PANK3: variants seen among roughly 807,000 people sequenced by gnomAD.
The protein encoded by PANK3 is pantothenate kinase 3, also known as hPanK3.
Under a neutral mutation model 39.4 loss-of-function variants are expected in PANK3, and 20 were observed. That is an observed-to-expected ratio of 0.51 (90% CI 0.36 to 0.74). The LOEUF (loss-of-function observed/expected upper bound fraction) is 0.74, where lower values mean the gene tolerates loss of function less well. Ranked by LOEUF, PANK3 falls within the 30% of genes least tolerant of loss-of-function variation. PANK3 has a pLI of 0.00. For missense variants in PANK3, 265 were observed against 437.0 expected (o/e 0.61, Z 3.51); for synonymous variants, 140 against 157.3 (o/e 0.89, Z 0.82).
At chr5:168,570,939 G>A (rs1482969083) in intron 1 of PANK3, among the ~76,000 whole-genome samples, 2 of 152,098 alleles carry the variant, frequency 1.3e-5, no homozygotes, top group Non-Finnish European at 2.9e-5. Flanking sequence ...GAAAAAAATG[G>A]TATAGACCAT....
At chr5:168,572,072 T>C (rs1314054995) in intron 1 of PANK3, among the ~76,000 whole-genome samples, 1 of 151,444 alleles carries the variant, frequency 6.6e-6, no homozygotes, top group African/African-American at 2.4e-5. Flanking sequence ...AAAGTGACTA[T>C]ATTTTCTCAG....
chr5:168,560,040 T>C (rs1342871352), intron 5 of PANK3, among the ~76,000 whole-genome samples: 2 of 152,220 alleles, frequency 1.3e-5, no homozygotes, highest in East Asian at 1.9e-4. Context: ...TACTGACTTT[T>C]GAGTAGAAAT....
chr5:168,566,555 T>C (rs1044322955), intron 2 of PANK3, among the ~76,000 whole-genome samples: 2 of 152,162 alleles, frequency 1.3e-5, no homozygotes, highest in Admixed American at 6.5e-5. Flanking sequence ...GTGTGACATT[T>C]CTGCAGACCA....
intron 1 of PANK3, among the ~76,000 whole-genome samples, chr5:168,576,087 T>C (rs1208068931): frequency 6.6e-6 from 1 of 152,132 alleles, no homozygotes; most frequent in African/African-American, 2.4e-5. Context: ...TTAGGACAGC[T>C]TCAGGTAAGT....
chr5:168,564,163 G>GA (rs903347480), intron 3 of PANK3, 98 bp from the exon 4 acceptor site: 132 of 1,080,078 alleles, frequency 1.2e-4, no homozygotes, highest in African/African-American at 8.6e-4. Flanking sequence ...TGAACACACA[G>GA]AAAAAAAACC....
rs1582471179 is a variant in PANK3, at chr5:168,579,329, G to A, written c.-46C>T. On this transcript the variant is annotated 5_prime_UTR_variant, in exon 1 of 7. Coordinates refer to ENST00000239231, the MANE Select transcript of PANK3 (RefSeq NM_024594.4). ...TGGACGGCCTCCGATCCGGGGCACT[G>A]AGAGCAGAGGCGGCGACTCCGGAGG... The A allele has an allele frequency of 7.1e-7, 1 of 1,418,130 alleles. No homozygotes were observed. The highest frequency in any genetic ancestry group is 9.3e-7 in the Non-Finnish European group (1 of 1,078,222). 87.8% of individuals were successfully genotyped at this position (1,418,130 alleles called of 1,614,324 possible). A position where few individuals can be genotyped will look rare whatever the true frequency, so the allele number is the denominator to read the frequency against.
intron 1 of PANK3, among the ~76,000 whole-genome samples, chr5:168,570,415 A>G (rs943103914): frequency 6.6e-6 from 1 of 151,800 alleles, no homozygotes; most frequent in Non-Finnish European, 1.5e-5. Flanking sequence ...AAAGAAAGAA[A>G]GAAAGAAAAT....
intron 1 of PANK3, among the ~76,000 whole-genome samples, chr5:168,574,694 C>T (rs1759703968): frequency 6.6e-6 from 1 of 152,104 alleles, no homozygotes; most frequent in South Asian, 2.1e-4. Context: ...AACCTCGTCT[C>T]TACCAGAAAT....
At chr5:168,565,857 T>TAA (rs33910263) in intron 3 of PANK3, among the ~76,000 whole-genome samples, 156 bp downstream of exon 3, 26,662 of 103,652 alleles carry the variant, frequency 0.26, 4,360 homozygotes, top group South Asian at 0.44. Context: ...CTCTTTCACT[T>TAA]AAAAAAAAAA....
rs1357795297 is a variant in PANK3, at chr5:168,559,098, T to A, written c.996A>T (p.Lys332Asn). 6.2e-7 allele frequency: 1 copy of A among 1,608,368 alleles called. No homozygotes were observed. Among genetic ancestry groups the A allele is most frequent in the South Asian group, 1.1e-5 (1 of 90,598 alleles). The change falls in exon 6 of 7, where the codon AAA (lysine) becomes AAT (asparagine). Residue 332 changes from lysine (K) to asparagine (N), a missense_variant. This residue lies in a region of PANK3 where 110 missense variants were observed against 161.2 expected (regional missense o/e 0.68). Transcript: ENST00000239231. ...AGTAATCCAGTGCATATGCCAAAAG[T>A]TTCATTGAGAGGGTATTGACACGTA... ...NFLRVNTLSM[K>N]LLAYALDYWS...
chr5:168,578,718 CAT>C (rs1759773714), intron 1 of PANK3: 1 of 152,316 alleles, frequency 6.6e-6, no homozygotes, highest in Admixed American at 6.5e-5. Flanking sequence ...CTAAAACAAA[CAT>C]GAACTAGTTG....
intron 2 of PANK3, among the ~76,000 whole-genome samples, chr5:168,567,226 T>C (rs1438273379): frequency 6.6e-6 from 1 of 152,202 alleles, no homozygotes; most frequent in Non-Finnish European, 1.5e-5. Context: ...ACCATATCAA[T>C]CTGGCATGTG....
intron 1 of PANK3, among the ~76,000 whole-genome samples, chr5:168,572,110 C>CTTTTTTTTT (rs34970571): frequency 9.9e-6 from 1 of 101,302 alleles, no homozygotes; most frequent in Non-Finnish European, 2.0e-5. Context: ...CAACATAGGC[C>CTTTTTTTTT]TTTTTTTTTT....
intron 1 of PANK3, among the ~76,000 whole-genome samples, chr5:168,572,529 G>A (rs1314792674): frequency 6.6e-6 from 1 of 151,326 alleles, no homozygotes; most frequent in Non-Finnish European, 1.5e-5. Flanking sequence ...ACATTCTCAA[G>A]GGTGGTGAGA....
At chr5:168,577,698 G>T (rs922768515) in intron 1 of PANK3, among the ~76,000 whole-genome samples, 24 of 152,250 alleles carry the variant, frequency 1.6e-4, no homozygotes, top group Non-Finnish European at 3.4e-4. Flanking sequence ...CTTTGAAGGA[G>T]GTAGTACTCA....
rs1156890259 is a variant in PANK3, at chr5:168,565,891, T to A, written c.635+122A>T. 2.0e-4 allele frequency: 56 copies of A among 278,286 alleles called. 1 individual carries two copies. The highest frequency in any genetic ancestry group is 1.3e-3 in the African/African-American group (47 of 37,544). 17.2% of individuals were successfully genotyped at this position (278,286 alleles called of 1,614,324 possible). A position where few individuals can be genotyped will look rare whatever the true frequency, so the allele number is the denominator to read the frequency against. On this transcript the variant is annotated intron_variant, in intron 3 of 6. Coordinates refer to ENST00000239231, the MANE Select transcript of PANK3 (RefSeq NM_024594.4). Reference sequence around the variant, plus strand: ...AAAATATATATATATATATATTTTTTTTTTTTGCTGTTGTGCAAATACATG... The same window carrying A: ...AAAATATATATATATATATATTTTTATTTTTTGCTGTTGTGCAAATACATG...
chr5:168,575,454 A>G (rs549798005), intron 1 of PANK3, among the ~76,000 whole-genome samples: 1 of 119,378 alleles, frequency 8.4e-6, no homozygotes, highest in Admixed American at 7.8e-5. Flanking sequence ...AAGGAAGCAG[A>G]GAACACTAAC....
At chr5:168,567,880 T>C (rs1759562439) in intron 2 of PANK3, among the ~76,000 whole-genome samples, 2 of 152,312 alleles carry the variant, frequency 1.3e-5, no homozygotes, top group South Asian at 4.1e-4. Context: ...TCAGCCTTTA[T>C]ATTCCATTAA....
Position 168,549,274 on chromosome 5 carries a change from G to A in PANK3, c.*8297C>T, listed in dbSNP as rs1006056094. Reference sequence around the variant, plus strand: ...AATGCTGTAAACTAAACTAAAACAGGTTACCCAGAAAAAAGTGGCAAATTC... The same window carrying A: ...AATGCTGTAAACTAAACTAAAACAGATTACCCAGAAAAAAGTGGCAAATTC... On this transcript the variant is annotated 3_prime_UTR_variant, in exon 7 of 7. Transcript: ENST00000239231. The A allele has an allele frequency of 2.0e-5, 3 of 152,046 alleles. No individual in the cohort carries two copies. The highest frequency in any genetic ancestry group is 4.4e-5 in the Non-Finnish European group (3 of 68,016). 9.4% of individuals were successfully genotyped at this position (152,046 alleles called of 1,614,324 possible).
Sources: allele counts gnomAD v4.1 joint callset (sites outside exome capture counted in the v4.1 genomes callset), GRCh38; gene constraint gnomAD v4.1.1; regional missense constraint gnomAD v4.1.1; transcripts MANE v1.5; gene names NCBI Gene and HGNC (gene_info 2026-07-23, HGNC 2026-07-21).